The following ST8SIA4 variants were observed in gnomAD, a reference collection of about 807,000 sequenced individuals.
ST8SIA4 encodes CMP-N-acetylneuraminate-poly-alpha-2,8-sialyltransferase.
In ST8SIA4, 15 loss-of-function variants were observed where a neutral mutation model predicts 33.9. That is an observed-to-expected ratio of 0.44 (90% CI 0.30 to 0.68). The LOEUF is 0.68. Among genes scored for constraint, ST8SIA4 ranks in the 30% least tolerant of loss-of-function variants. ST8SIA4 has a pLI of 0.10. For missense variants in ST8SIA4, 321 were observed against 428.0 expected, an observed-to-expected ratio of 0.75 and a Z score of 2.21; for synonymous variants, 171 against 151.2, an observed-to-expected ratio of 1.13 and a Z score of -0.96.
intron 4 of ST8SIA4, among the ~76,000 whole-genome samples, chr5:100,827,052 G>A (rs955982549): frequency 6.6e-6 from 1 of 151,848 alleles, no homozygotes; most frequent in Non-Finnish European, 1.5e-5. Flanking sequence ...CTTGTAGGGT[G>A]ATACACGTTA....
At chr5:100,898,663 G>A (rs190469707) in intron 1 of ST8SIA4, among the ~76,000 whole-genome samples, 1 of 152,226 alleles carries the variant, frequency 6.6e-6, no homozygotes, top group Non-Finnish European at 1.5e-5. Flanking sequence ...AGTTAAATGG[G>A]TCCCATGGGA....
At chr5:100,876,407 A>G (rs915941778) in intron 3 of ST8SIA4, among the ~76,000 whole-genome samples, 2 of 152,078 alleles carry the variant, frequency 1.3e-5, no homozygotes, top group Non-Finnish European at 2.9e-5. Flanking sequence ...TGCCTAACCA[A>G]ATTTGTCAAA....
At chr5:100,826,140 T>A (rs1286916589) in intron 4 of ST8SIA4, among the ~76,000 whole-genome samples, 1 of 139,212 alleles carries the variant, frequency 7.2e-6, no homozygotes, top group African/African-American at 2.6e-5. Context: ...TTTTTTTTTA[T>A]TATTATGTGG....
In ST8SIA4 at chr5:100,893,495, T is replaced by C. The variant is rs191846667; in HGVS notation, c.245+2159A>G. Among the ~76,000 whole-genome samples the C allele has an allele frequency of 1.1e-4, 17 of 152,262 alleles. 1 individual carries two copies. In the East Asian group the frequency reaches 3.3e-3, roughly 29 times the overall value. Reference sequence around the variant, plus strand: ...TCATTCATACTATCAGCTATTATAATTGAAAATAGATCACCCTCAAATACA... The same window carrying C: ...TCATTCATACTATCAGCTATTATAACTGAAAATAGATCACCCTCAAATACA... On this transcript the variant is annotated intron_variant, in intron 2 of 4. Transcript: ENST00000231461.
intron 4 of ST8SIA4, among the ~76,000 whole-genome samples, chr5:100,836,710 A>T (rs1751368590): frequency 6.6e-6 from 1 of 152,018 alleles, no homozygotes; most frequent in Non-Finnish European, 1.5e-5. Context: ...AAGAAAACGA[A>T]ATTTAAACAA....
At chr5:100,845,909 A>G (rs1218793959) in intron 4 of ST8SIA4, among the ~76,000 whole-genome samples, 1 of 151,994 alleles carries the variant, frequency 6.6e-6, no homozygotes, top group African/African-American at 2.4e-5. Context: ...GGATGAATTT[A>G]TAGATGGTCA....
chr5:100,849,648 G>T (rs1246663478), intron 4 of ST8SIA4, among the ~76,000 whole-genome samples: 1 of 151,956 alleles, frequency 6.6e-6, no homozygotes, highest in Non-Finnish European at 1.5e-5. Context: ...AAAATTAGCC[G>T]GGCGTGGCGC....
chr5:100,820,452 T>G (rs1388405404), intron 4 of ST8SIA4, among the ~76,000 whole-genome samples: 2 of 152,124 alleles, frequency 1.3e-5, no homozygotes, highest in African/African-American at 2.4e-5. Flanking sequence ...AATTAATGTA[T>G]TTTTTCAAAT....
intron 3 of ST8SIA4, among the ~76,000 whole-genome samples, chr5:100,876,323 A>G (rs925514918): frequency 2.6e-5 from 4 of 152,068 alleles, no homozygotes; most frequent in African/African-American, 9.7e-5. Flanking sequence ...ATACCAAAAC[A>G]ATATTTTCTT....
intron 4 of ST8SIA4, among the ~76,000 whole-genome samples, chr5:100,818,283 T>A (rs1580447623): frequency 6.6e-6 from 1 of 152,118 alleles, no homozygotes; most frequent in African/African-American, 2.4e-5. Flanking sequence ...GTGGAAAAAA[T>A]AAATAATGAT....
chr5:100,856,466 A>C (rs1751815899), intron 3 of ST8SIA4, 70 bp from the exon 4 acceptor site: 3 of 1,425,266 alleles, frequency 2.1e-6, no homozygotes, highest in Middle Eastern at 3.8e-4. Context: ...GGTGTTCATG[A>C]AAAGAAGAAT....
intron 4 of ST8SIA4, among the ~76,000 whole-genome samples, chr5:100,840,300 T>G (rs1482732248): frequency 6.6e-6 from 1 of 151,860 alleles, no homozygotes; most frequent in Non-Finnish European, 1.5e-5. Context: ...AGTTGTTTGA[T>G]GAAATATTTA....
intron 1 of ST8SIA4, among the ~76,000 whole-genome samples, chr5:100,901,511 T>C (rs1306499698): frequency 6.6e-6 from 1 of 152,166 alleles, no homozygotes; most frequent in East Asian, 1.9e-4. Context: ...AAAGTCCTGC[T>C]TTTCTAACAA....
intron 4 of ST8SIA4, among the ~76,000 whole-genome samples, chr5:100,813,292 C>A (rs17723146): frequency 0.017 from 2,555 of 152,000 alleles, 29 homozygotes; most frequent in Admixed American, 0.025. Flanking sequence ...TGGAAACATC[C>A]AAAACAGGGA....
At chr5:100,832,624 CT>C (rs1751286244) in intron 4 of ST8SIA4, among the ~76,000 whole-genome samples, 1 of 152,018 alleles carries the variant, frequency 6.6e-6, no homozygotes, top group African/African-American at 2.4e-5. Context: ...ACATATATCT[CT>C]TTCCTTCTCT....
intron 4 of ST8SIA4, among the ~76,000 whole-genome samples, chr5:100,818,409 C>G (rs1233687683): frequency 6.6e-6 from 1 of 151,756 alleles, no homozygotes; most frequent in Non-Finnish European, 1.5e-5. Context: ...TATAAAGGAC[C>G]CACTTTTCTC....
chr5:100,857,772 C>T (rs1235054044), intron 3 of ST8SIA4, among the ~76,000 whole-genome samples: 1 of 151,932 alleles, frequency 6.6e-6, no homozygotes, highest in African/African-American at 2.4e-5. Context: ...CTTCCTAGAT[C>T]TCCGACAATA....
chr5:100,870,159 C>T (rs1356535302), intron 3 of ST8SIA4, among the ~76,000 whole-genome samples: 1 of 152,162 alleles, frequency 6.6e-6, no homozygotes, highest in Non-Finnish European at 1.5e-5. Flanking sequence ...ATCCATGTCC[C>T]TACAAAGGAC....
intron 4 of ST8SIA4, among the ~76,000 whole-genome samples, chr5:100,850,952 T>C: frequency 7.8e-6 from 1 of 128,172 alleles, no homozygotes; most frequent in Non-Finnish European, 1.6e-5. Flanking sequence ...ATTGTAACCA[T>C]ACTTTTTTTT....
Sources: allele counts gnomAD v4.1 joint callset (sites outside exome capture counted in the v4.1 genomes callset), GRCh38; gene constraint gnomAD v4.1.1; transcripts MANE v1.5; gene names NCBI Gene and HGNC (gene_info 2026-07-23, HGNC 2026-07-21).